SERINC2: variants seen among roughly 807,000 people sequenced by gnomAD.
SERINC2 encodes tumor differentially expressed protein 2.
A neutral mutation model predicts 54.2 loss-of-function variants in SERINC2; 56 were observed. The ratio of observed to expected loss-of-function variants is 1.03; its 90% CI spans 0.83 to 1.29. The LOEUF (loss-of-function observed/expected upper bound fraction) is 1.29. Ranked by LOEUF, SERINC2 falls within the 50% of genes most tolerant of loss-of-function variation. The pLI, the probability that SERINC2 is intolerant of heterozygous loss-of-function variation, is 0.00. For missense variants in SERINC2, 614 were observed against 607.4 expected, an observed-to-expected ratio of 1.01 and a Z score of -0.12; for synonymous variants, 272 against 253.1, an observed-to-expected ratio of 1.07 and a Z score of -0.71.
chr1:31,432,912 T>C (rs1404327618), intron 8 of SERINC2, 55 bp from the exon 9 acceptor site: 37 of 1,389,018 alleles, frequency 2.7e-5, no homozygotes, highest in Non-Finnish European at 3.7e-5. Context: ...TTGTGTCCAG[T>C]GTTATGAGCA....
intron 8 of SERINC2, among the ~76,000 whole-genome samples, chr1:31,432,127 GA>G (rs1641293255): frequency 1.5e-5 from 2 of 133,726 alleles, no homozygotes; most frequent in African/African-American, 3.0e-5. Context: ...GGTTAGGGTG[GA>G]TAGGGTGGAC....
chr1:31,428,550 T>G (rs1641104539), intron 6 of SERINC2, among the ~76,000 whole-genome samples: 1 of 151,288 alleles, frequency 6.6e-6, no homozygotes, highest in African/African-American at 2.4e-5. Context: ...TCCGCAGGAG[T>G]CCTGTCTGAA....
chr1:31,414,247 G>T, intron 1 of SERINC2: 1 of 1,340,744 alleles, frequency 7.5e-7, no homozygotes, highest in South Asian at 1.9e-5. Flanking sequence ...TGGGAGGCCC[G>T]TTCTCCCTTC....
At chr1:31,433,328 C>T (rs1407291043) in intron 9 of SERINC2, 143 bp downstream of exon 9, 2 of 669,134 alleles carry the variant, frequency 3.0e-6, no homozygotes, top group Non-Finnish European at 5.2e-6. Context: ...CTCCATAGAG[C>T]CTGCCCCTTC....
chr1:31,425,682 G>A, intron 4 of SERINC2, 94 bp from the exon 5 acceptor site: 1 of 1,448,614 alleles, frequency 6.9e-7, no homozygotes. Context: ...GTTCTTCTCA[G>A]TGTCCCCGGT....
chr1:31,432,435 A>C lies in SERINC2; in HGVS notation c.1014-532A>C, dbSNP rs12408121. ...CAATCATTACTGTTGTTCTTTTTTT[A>C]GTGTAAGCATGAAGGAAAGGGAGGC... On this transcript the variant is annotated intron_variant, in intron 8 of 9. Transcript: ENST00000373709. 4.9e-3 allele frequency among the ~76,000 whole-genome samples: 748 copies of C among 152,160 alleles called. 20 individuals are homozygous for C. The East Asian group carries it at 0.082, about 17-fold the overall frequency.
At chr1:31,431,796 T>TAGGGTGGTTAGGGTGGATAGGGTGGAC (rs1641221620) in intron 8 of SERINC2, among the ~76,000 whole-genome samples, 1 of 10,926 alleles carries the variant, frequency 9.2e-5, no homozygotes, top group African/African-American at 2.2e-4. Context: ...ATAGGGTGGA[T>TAGGGTGGTTAGGGTGGATAGGGTGGAC]AGGGTGGACA....
chr1:31,410,463 G>A (rs1553131344), upstream of SERINC2: 1 of 1,550,024 alleles, frequency 6.5e-7, no homozygotes, highest in Non-Finnish European at 8.7e-7. Context: ...TGCTGGGCGT[G>A]TGAGAGCCCA....
At chr1:31,424,632 C>T (rs781838281) in intron 2 of SERINC2, 51 bp from the exon 3 acceptor site, 2 of 1,444,764 alleles carry the variant, frequency 1.4e-6, no homozygotes, top group Non-Finnish European at 1.9e-6. Context: ...AGGGAGCTGC[C>T]AGGGTTCTGT....
At chr1:31,410,261 G>C, upstream of SERINC2, 1 of 1,482,528 alleles carries the variant, frequency 6.7e-7, no homozygotes, top group East Asian at 2.5e-5. Flanking sequence ...TTCAAATCTG[G>C]GAGTAAAGGC....
At chr1:31,424,944 G>T in intron 3 of SERINC2, 71 bp downstream of exon 3, 1 of 1,319,910 alleles carries the variant, frequency 7.6e-7, no homozygotes, top group South Asian at 1.4e-5. Context: ...TGCCTGTCCA[G>T]GGATCTGCAG....
At chr1:31,414,368 G>T in intron 1 of SERINC2, 1 of 1,262,940 alleles carries the variant, frequency 7.9e-7, no homozygotes, top group Non-Finnish European at 9.9e-7. Flanking sequence ...GAGGGAGAAG[G>T]GGCTGCAGCG....
At position 31,433,048 on chromosome 1, in the gene SERINC2, G is replaced by C. The variant is rs781880852; in HGVS notation, c.1095G>C (p.Gln365His). 1.2e-5 allele frequency: 19 copies of C among 1,612,512 alleles called. 1 individual carries two copies. The African/African-American group carries it at 2.5e-4, about 22-fold the overall frequency. Residue 365 changes from glutamine to histidine, a missense_variant, in exon 9 of 10, where the codon CAG becomes CAC. Gln to His is a conservative substitution (Grantham distance 24, BLOSUM62 0). Transcript: ENST00000373709. ...CACCTATGCTAGACGCCACACAGCA[G>C]CAGCAGCAGGTGGCAGCCTGTGAGG... ...ECPPMLDATQQQQQVAACEGR... is the reference protein window; with the variant it reads ...ECPPMLDATQHQQQVAACEGR...
chr1:31,431,647 G>A (rs1641204841), intron 8 of SERINC2, among the ~76,000 whole-genome samples: 1 of 152,228 alleles, frequency 6.6e-6, no homozygotes, highest in African/African-American at 2.4e-5. Flanking sequence ...TTCTTAGCAT[G>A]GTTCTTACAG....
At chr1:31,432,300 C>G (rs1043528617) in intron 8 of SERINC2, among the ~76,000 whole-genome samples, 1 of 151,596 alleles carries the variant, frequency 6.6e-6, no homozygotes, top group African/African-American at 2.4e-5. Flanking sequence ...ATCCAGCTCT[C>G]CTTTTCACTT....
intron 8 of SERINC2, among the ~76,000 whole-genome samples, chr1:31,432,093 C>CAGGGTGGAGAGGGTGGAGAGGGTGGTT (rs1641283141): frequency 6.0e-5 from 1 of 16,546 alleles, no homozygotes; most frequent in Non-Finnish European, 1.1e-4. Context: ...TTAGGGTGGA[C>CAGGGTGGAGAGGGTGGAGAGGGTGGTT]AGGGTGGACA....
rs151086010 is a variant in SERINC2, at chr1:31,420,709, T to C, written c.40-2984T>C. On this transcript the variant is annotated intron_variant, in intron 1 of 9. Transcript: ENST00000373709. ...CTTACTTGCTGTGTGACCTTGGTCA[T>C]GCCACTTCTCTGTCTCAGTTTTCCC... 6.6e-4 allele frequency among the ~76,000 whole-genome samples: 101 copies of C among 152,284 alleles called. 1 individual carries two copies. The East Asian group carries it at 0.017, about 26-fold the overall frequency.
intron 7 of SERINC2, 83 bp downstream of exon 7, chr1:31,429,151 G>A: frequency 7.8e-7 from 1 of 1,278,974 alleles, no homozygotes; most frequent in Non-Finnish European, 1.1e-6. Flanking sequence ...GACCCTCACA[G>A]GTGACAGGGA....
chr1:31,430,518 T>G (rs547137625), intron 8 of SERINC2, among the ~76,000 whole-genome samples: 1 of 151,000 alleles, frequency 6.6e-6, no homozygotes, highest in East Asian at 2.0e-4. Flanking sequence ...AAAGGTTTTG[T>G]AATTAGTCAG....
Sources: gnomAD v4.1 joint callset for allele counts (sites outside exome capture counted in the v4.1 genomes callset) on GRCh38, gnomAD v4.1.1 for gene constraint, MANE v1.5 for transcripts, NCBI Gene and HGNC (gene_info 2026-07-23, HGNC 2026-07-21) for gene names.